Variants in DIS3 observed in about 807,000 individuals in gnomAD.
DIS3 encodes exosome complex exonuclease RRP44.
Under a neutral mutation model 113.0 loss-of-function variants are expected in DIS3, and 103 were observed. The ratio of observed to expected loss-of-function variants is 0.91; its 90% confidence interval spans 0.78 to 1.07. The LOEUF (loss-of-function observed/expected upper bound fraction) is 1.07, where lower values mean the gene tolerates loss of function less well. DIS3 is among the 50% of genes least tolerant of loss of function. The probability of loss-of-function intolerance (pLI) is 0.00; values close to 1 mark genes in which losing one functional copy is unlikely to be tolerated. For missense variants in DIS3, 1,121 were observed against 1,167.1 expected (o/e 0.96, Z 0.58); for synonymous variants, 402 against 394.3 (o/e 1.02, Z -0.23).
At position 72,759,708 on chromosome 13, in the gene DIS3, G is replaced by C. The variant is rs2033577670; in HGVS notation, c.*87C>G. On this transcript the variant is annotated 3_prime_UTR_variant, in exon 21 of 21. Coordinates refer to ENST00000377767, the MANE Select transcript of DIS3 (RefSeq NM_014953.5). ...AAAATGTACTTAAAAGTAACAAACTGTATCACACACTTAGGCTTAGAAGTG... is the reference window on the plus strand; with the variant it reads ...AAAATGTACTTAAAAGTAACAAACTCTATCACACACTTAGGCTTAGAAGTG... 1 of 991,258 alleles carries C rather than the reference G, an allele frequency of 1.0e-6. No individual in the cohort carries two copies. The highest frequency in any genetic ancestry group is 1.6e-5 in the African/African-American group (1 of 61,296). 61.4% of individuals were successfully genotyped at this position (991,258 alleles called of 1,614,324 possible).
chr13:72,755,320 C>A lies in DIS3; in HGVS notation c.*4475G>T. 3 of 923,478 alleles carry A rather than the reference C, an allele frequency of 3.2e-6. No homozygotes were observed. Among genetic ancestry groups the A allele is most frequent in the Non-Finnish European group, 5.0e-6 (3 of 595,150 alleles). The allele number at this position is 923,478 out of a possible 1,614,324, so 57.2% of individuals were successfully genotyped here. A position where few individuals can be genotyped will look rare whatever the true frequency, so the allele number is the denominator to read the frequency against. ...ACTGGGAAAAAATTACTTCAAGTAA[C>A]ATGCTTAGCTTTCCCTCCTTAATGT... On this transcript the variant is annotated 3_prime_UTR_variant, in exon 21 of 21. Coordinates refer to ENST00000377767, the MANE Select transcript of DIS3 (RefSeq NM_014953.5).
At position 72,763,170 on chromosome 13, in the gene DIS3, G is replaced by C. The variant is rs189382482; in HGVS notation, c.2127+281C>G. Among the ~76,000 whole-genome samples, 108 of 152,172 alleles carry C rather than the reference G, an allele frequency of 7.1e-4. 1 individual carries two copies. The East Asian group carries it at 0.02, about 28-fold the overall frequency. ...CAAAAAATTAGCCACTCATGGTGGTGTGCGCCTGCAGTCCCAGCTCCTCAG... is the reference window on the plus strand; with the variant it reads ...CAAAAAATTAGCCACTCATGGTGGTCTGCGCCTGCAGTCCCAGCTCCTCAG... On this transcript the variant is annotated intron_variant, in intron 16 of 20. Transcript: ENST00000377767.
Position 72,765,961 on chromosome 13 carries a change from A to C in DIS3, c.1970+11T>G. On this transcript the variant is annotated intron_variant, in intron 15 of 20. Transcript: ENST00000377767. The stretch of plus-strand genomic sequence containing the variant: ...AAATCTTATCTAATGCCCATCAAAA[A>C]AATTACAAACCTAAGTTCCTTGGTC... 9 of 1,584,932 alleles carry C rather than the reference A, an allele frequency of 5.7e-6. No homozygotes were observed. The highest frequency in any genetic ancestry group is 7.7e-6 in the Non-Finnish European group (9 of 1,168,004).
chr13:72,771,301 G>C (rs1364235773), intron 11 of DIS3, among the ~76,000 whole-genome samples, 156 bp from the exon 12 acceptor site: 1 of 152,164 alleles, frequency 6.6e-6, no homozygotes, highest in Non-Finnish European at 1.5e-5. Flanking sequence ...TAAAAGGTTT[G>C]TTTCTATAAA....
Position 72,755,005 on chromosome 13 carries a change from T to C in DIS3, c.*4790A>G, listed in dbSNP as rs2033409753. On this transcript the variant is annotated 3_prime_UTR_variant, in exon 21 of 21. Transcript: ENST00000377767. ...TTGGGATGCTTTTTGATGCAGAATATTGATTTATAAAATACTGTATCTTTA... is the reference window on the plus strand; with the variant it reads ...TTGGGATGCTTTTTGATGCAGAATACTGATTTATAAAATACTGTATCTTTA... The C allele has an allele frequency of 6.5e-6, 4 of 616,944 alleles. No individual in the cohort carries two copies. Among genetic ancestry groups the C allele is most frequent in the Non-Finnish European group, 1.1e-5 (4 of 358,478 alleles). The allele number at this position is 616,944 out of a possible 1,614,324, so 38.2% of individuals were successfully genotyped here.
chr13:72,758,563 TCA>T lies in DIS3; in HGVS notation c.*1230_*1231del, dbSNP rs2033550902. Reference sequence around the variant, plus strand: ...GTTTTTTGACTCCTACTCTACTGTTTCAGTGTCACTGACCCATTTTACCTGGA... The same window carrying T: ...GTTTTTTGACTCCTACTCTACTGTTTGTGTCACTGACCCATTTTACCTGGA... On this transcript the variant is annotated 3_prime_UTR_variant, in exon 21 of 21. Transcript: ENST00000377767. The T allele has an allele frequency of 4.6e-6, 1 of 218,728 alleles. No homozygotes were observed. Among genetic ancestry groups the T allele is most frequent in the African/African-American group, 2.2e-5 (1 of 44,532 alleles). 13.5% of individuals were successfully genotyped at this position (218,728 alleles called of 1,614,324 possible).
intron 2 of DIS3, 47 bp from the exon 3 acceptor site, chr13:72,778,427 G>A (rs761433923): frequency 3.3e-5 from 49 of 1,478,484 alleles, no homozygotes; most frequent in Non-Finnish European, 4.5e-5. Context: ...GTAGAAACAA[G>A]GATATGTGAA....
Position 72,778,168 on chromosome 13 carries a change from C to A in DIS3, c.580+19G>T, listed in dbSNP as rs1396927079. 1.3e-6 allele frequency: 2 copies of A among 1,552,956 alleles called. No individual in the cohort carries two copies. The highest frequency in any genetic ancestry group is 1.8e-6 in the Non-Finnish European group (2 of 1,136,500). On this transcript the variant is annotated intron_variant, in intron 3 of 20. Coordinates refer to ENST00000377767, the MANE Select transcript of DIS3 (RefSeq NM_014953.5). ...CGCATTTGCAAACATGCACTAAGTA[C>A]TTCTACATTTAGACTTACAAGTGAA...
chr13:72,775,835 G>T, intron 5 of DIS3, 90 bp downstream of exon 5: 1 of 1,127,762 alleles, frequency 8.9e-7, no homozygotes, highest in Non-Finnish European at 1.2e-6. Flanking sequence ...AGCCTCATAT[G>T]TTACACAAAT....
Position 72,758,503 on chromosome 13 carries a change from C to T in DIS3, c.*1292G>A, listed in dbSNP as rs2033549175. ...TAGTTGCAATACAGACCATAGCCAA[C>T]AAAGTCTAAAATGTTCTAGCACTTC... is the stretch of plus-strand genomic sequence containing the variant. On this transcript the variant is annotated 3_prime_UTR_variant, in exon 21 of 21. Transcript: ENST00000377767. 4.8e-6 allele frequency: 1 copy of T among 210,506 alleles called. No individual in the cohort carries two copies. The highest frequency in any genetic ancestry group is 2.3e-5 in the African/African-American group (1 of 44,086). 13.0% of individuals were successfully genotyped at this position (210,506 alleles called of 1,614,324 possible).
Position 72,753,563 on chromosome 13 carries a change from A to G in DIS3, c.*6232T>C. 1 of 994,536 alleles carries G rather than the reference A, an allele frequency of 1.0e-6. No individual in the cohort carries two copies. The highest frequency in any genetic ancestry group is 1.5e-6 in the Non-Finnish European group (1 of 684,668). 61.6% of individuals were successfully genotyped at this position (994,536 alleles called of 1,614,324 possible). ...TGTGCATTACTTTTGAATTTTGTTC[A>G]ACATGATCAATATTACATGTTAGGA... is the stretch of plus-strand genomic sequence containing the variant. On this transcript the variant is annotated 3_prime_UTR_variant, in exon 21 of 21. Transcript: ENST00000377767.
intron 3 of DIS3, 116 bp from the exon 4 acceptor site, chr13:72,777,609 TGA>T: frequency 4.7e-6 from 4 of 844,356 alleles, no homozygotes; most frequent in South Asian, 3.1e-5. Context: ...TGAGACACAC[TGA>T]GAGTCTCACT....
chr13:72,772,340 C>T lies in DIS3; in HGVS notation c.1387-65G>A, dbSNP rs561856166. On this transcript the variant is annotated intron_variant, in intron 9 of 20. Coordinates refer to ENST00000377767, the MANE Select transcript of DIS3 (RefSeq NM_014953.5). ...AAGCACAACTACAACATATTAATAG[C>T]TCTTGTGAAATCAGTAATATGTATA... 114 of 1,231,682 alleles carry T rather than the reference C, an allele frequency of 9.3e-5. 1 individual carries two copies. In the African/African-American group the frequency reaches 1.4e-3, roughly 15 times the overall value. 76.3% of individuals were successfully genotyped at this position (1,231,682 alleles called of 1,614,324 possible).
Position 72,762,110 on chromosome 13 carries a change from T to A in DIS3, c.2155A>T (p.Lys719Ter), listed in dbSNP as rs1399664418. ...RNLEIKTDTAKSLAESLDQAE... is the reference protein window; with the variant it reads ...RNLEIKTDTA ...TGATCCAAAGACTCAGCCAAAGACT[T>A]GGCTGTATCAGTCTTAATTTCCAAA... is the stretch of plus-strand genomic sequence containing the variant. The change falls in exon 17 of 21, where the codon AAG (lysine) becomes TAG (stop). Residue 719 changes from lysine (K) to a stop codon, truncating the protein, a stop_gained. Transcript: ENST00000377767. LOFTEE classifies it high-confidence loss of function. 6.2e-7 allele frequency: 1 copy of A among 1,613,938 alleles called. No individual in the cohort carries two copies. The highest frequency in any genetic ancestry group is 1.1e-5 in the South Asian group (1 of 91,078).
intron 6 of DIS3, among the ~76,000 whole-genome samples, 199 bp downstream of exon 6, chr13:72,775,012 A>C (rs1463498069): frequency 6.6e-6 from 1 of 152,168 alleles, no homozygotes; most frequent in African/African-American, 2.4e-5. Context: ...TTGCATTTAA[A>C]CCCATTTATT....
chr13:72,771,919 G>A (rs778012958), intron 10 of DIS3, 23 bp from the exon 11 acceptor site: 120 of 1,604,214 alleles, frequency 7.5e-5, no homozygotes, highest in Non-Finnish European at 1.0e-4. Flanking sequence ...AAAATAAAAG[G>A]ATGTCAATAT....
In DIS3 at chr13:72,755,737, CTG is replaced by C; in HGVS notation, c.*4056_*4057del. ...ATTTTAGTTCTTGGTCTGTTCACCT[CTG>C]TGGGGAAAATTCTTAGTTCCAGTGA... On this transcript the variant is annotated 3_prime_UTR_variant, in exon 21 of 21. Coordinates refer to ENST00000377767, the MANE Select transcript of DIS3 (RefSeq NM_014953.5). 5.0e-6 allele frequency: 2 copies of C among 397,336 alleles called. No homozygotes were observed. The highest frequency in any genetic ancestry group is 4.4e-6 in the Non-Finnish European group (1 of 225,786). 24.6% of individuals were successfully genotyped at this position (397,336 alleles called of 1,614,324 possible).
At chr13:72,771,996 C>A in intron 10 of DIS3, 100 bp from the exon 11 acceptor site, 1 of 1,347,500 alleles carries the variant, frequency 7.4e-7, no homozygotes, top group Admixed American at 2.1e-5. Flanking sequence ...TTAAAAAAGA[C>A]TCAGTCACCT....
intron 2 of DIS3, among the ~76,000 whole-genome samples, chr13:72,780,169 T>C (rs1254347876): frequency 6.6e-6 from 1 of 151,466 alleles, no homozygotes; most frequent in Non-Finnish European, 1.5e-5. Flanking sequence ...CTACTAAAAA[T>C]ACAAAAATTA....
Sources: allele counts gnomAD v4.1 joint callset (sites outside exome capture counted in the v4.1 genomes callset), GRCh38; gene constraint gnomAD v4.1.1; transcripts MANE v1.5; gene names NCBI Gene and HGNC (gene_info 2026-07-23, HGNC 2026-07-21).